Variants in SULF1 observed in about 807,000 individuals in gnomAD.
SULF1 encodes sulfatase 1.
In SULF1, 46 loss-of-function variants were observed where a neutral mutation model predicts 110.5. That is an observed-to-expected ratio of 0.42 (90% confidence interval 0.33 to 0.53). The LOEUF (loss-of-function observed/expected upper bound fraction) is 0.53, where lower values mean the gene tolerates loss of function less well. Ranked by LOEUF, SULF1 falls within the 20% of genes least tolerant of loss-of-function variation. SULF1 has a pLI of 0.12. For synonymous variants in SULF1, 371 were observed against 387.1 expected, an observed-to-expected ratio of 0.96 and a Z score of 0.49; for missense variants, 941 against 1,094.2, an observed-to-expected ratio of 0.86 and a Z score of 1.98.
At chr8:69,554,628 T>G (rs1377978370) in intron 3 of SULF1, among the ~76,000 whole-genome samples, 2 of 151,728 alleles carry the variant, frequency 1.3e-5, no homozygotes, top group East Asian at 3.9e-4. Context: ...TTTAGAAATC[T>G]CCTGTTGTAT....
At chr8:69,574,667 C>T (rs770590851) in intron 5 of SULF1, among the ~76,000 whole-genome samples, 6 of 152,130 alleles carry the variant, frequency 3.9e-5, no homozygotes, top group African/African-American at 9.7e-5. Context: ...GAGATCAGCC[C>T]GGAATGCTGA....
At chr8:69,613,308 T>G (rs1471700121) in intron 13 of SULF1, among the ~76,000 whole-genome samples, 3 of 151,572 alleles carry the variant, frequency 2.0e-5, no homozygotes, top group Non-Finnish European at 4.4e-5. Flanking sequence ...TTTGGTTTTT[T>G]TTTTTTTTTT....
chr8:69,601,743 A>G lies in SULF1; in HGVS notation c.975A>G (p.Gly325=). The change falls in exon 10 of 23, where the codon GGA becomes GGG. Residue 325 remains glycine (G), a synonymous_variant. Coordinates refer to ENST00000402687, the MANE Select transcript of SULF1 (RefSeq NM_001128205.2). The part of the protein sequence containing the change: ...ADHGYHIGQF[G]LVKGKSMPYD... ...ATGGTTACCATATTGGGCAGTTTGG[A>G]CTGGTCAAGGGGAAATCCATGCCAT... 6.2e-7 allele frequency: 1 copy of G among 1,613,890 alleles called. No individual in the cohort carries two copies. Among genetic ancestry groups the G allele is most frequent in the Non-Finnish European group, 8.5e-7 (1 of 1,179,916 alleles).
chr8:69,645,234 G>A (rs961668602), intron 22 of SULF1, among the ~76,000 whole-genome samples: 1 of 152,148 alleles, frequency 6.6e-6, no homozygotes, highest in Non-Finnish European at 1.5e-5. Flanking sequence ...GGTCAGACTT[G>A]GGTTAGTCTA....
rs183827015 is a variant in SULF1, at chr8:69,504,087, T to C, written c.-134+2119T>C. 2.6e-5 allele frequency among the ~76,000 whole-genome samples: 4 copies of C among 152,122 alleles called. No individual in the cohort carries two copies. The East Asian group carries it at 7.8e-4, about 30-fold the overall frequency. ...TGCTGGGATTACAGGCGTGAGCCACTGCGCCCATGAAAAGGCCACTTTTCT... is the reference window on the plus strand; with the variant it reads ...TGCTGGGATTACAGGCGTGAGCCACCGCGCCCATGAAAAGGCCACTTTTCT... On this transcript the variant is annotated intron_variant, in intron 3 of 22. Transcript: ENST00000402687.
intron 3 of SULF1, among the ~76,000 whole-genome samples, chr8:69,517,173 T>C (rs934868882): frequency 2.0e-5 from 3 of 152,168 alleles, no homozygotes; most frequent in African/African-American, 7.2e-5. Context: ...GGCAAGCAAG[T>C]GTGCAAGACA....
chr8:69,608,407 C>T (rs560719751), intron 13 of SULF1, among the ~76,000 whole-genome samples: 1 of 152,316 alleles, frequency 6.6e-6, no homozygotes, highest in South Asian at 2.1e-4. Flanking sequence ...AGGCCGGGCA[C>T]GGTGGCTGAT....
intron 1 of SULF1, among the ~76,000 whole-genome samples, chr8:69,483,482 C>A (rs1302779774): frequency 3.3e-5 from 5 of 152,032 alleles, no homozygotes; most frequent in African/African-American, 1.2e-4. Context: ...TAGAAGGATG[C>A]CAAGAGAGAA....
At position 69,659,465 on chromosome 8, in the gene SULF1, C is replaced by T. The variant is rs901665067; in HGVS notation, c.*930C>T. 27 of 321,520 alleles carry T rather than the reference C, an allele frequency of 8.4e-5. No individual in the cohort carries two copies. Among genetic ancestry groups the T allele is most frequent in the African/African-American group, 4.5e-4 (21 of 46,210 alleles). 19.9% of individuals were successfully genotyped at this position (321,520 alleles called of 1,614,324 possible). ...AGAAGCTAGTGAGCATGTGAGCAAG[C>T]GGTGTGCACACGGAGACTCATCGTT... is the stretch of plus-strand genomic sequence containing the variant. On this transcript the variant is annotated 3_prime_UTR_variant, in exon 23 of 23. Coordinates refer to ENST00000402687, the MANE Select transcript of SULF1 (RefSeq NM_001128205.2).
At chr8:69,502,127 T>C (rs572548420) in intron 3 of SULF1, among the ~76,000 whole-genome samples, 159 bp downstream of exon 3, 1 of 152,300 alleles carries the variant, frequency 6.6e-6, no homozygotes, top group South Asian at 2.1e-4. Context: ...CTCATTCTTG[T>C]TGACTGAGAG....
intron 5 of SULF1, among the ~76,000 whole-genome samples, chr8:69,566,054 T>G (rs765629316): frequency 6.6e-6 from 1 of 152,030 alleles, no homozygotes; most frequent in Non-Finnish European, 1.5e-5. Context: ...AACTTTCCTT[T>G]GCACCCCGAG....
At chr8:69,602,229 A>C (rs1807884143) in intron 10 of SULF1, among the ~76,000 whole-genome samples, 2 of 152,190 alleles carry the variant, frequency 1.3e-5, no homozygotes, top group Non-Finnish European at 2.9e-5. Flanking sequence ...AATGTTTTTA[A>C]AAGATAAATT....
At chr8:69,601,958 T>G in intron 10 of SULF1, 129 bp downstream of exon 10, 1 of 944,070 alleles carries the variant, frequency 1.1e-6, no homozygotes, top group Non-Finnish European at 1.5e-6. Context: ...GGCTGGTTAA[T>G]TTCGAAGATG....
At chr8:69,631,180 C>T (rs945287176) in intron 19 of SULF1, among the ~76,000 whole-genome samples, 1 of 152,164 alleles carries the variant, frequency 6.6e-6, no homozygotes, top group Admixed American at 6.5e-5. Context: ...GGGAGTCTCA[C>T]CTTTGGTTTA....
At chr8:69,501,600 T>G (rs1810802054) in intron 2 of SULF1, among the ~76,000 whole-genome samples, 1 of 152,314 alleles carries the variant, frequency 6.6e-6, no homozygotes, top group South Asian at 2.1e-4. Flanking sequence ...TTCTATGAAA[T>G]CCAGTCAAAG....
chr8:69,595,336 A>G (rs942136393), intron 8 of SULF1, among the ~76,000 whole-genome samples: 4 of 152,362 alleles, frequency 2.6e-5, no homozygotes, highest in Admixed American at 6.5e-5. Context: ...GATTAGAGCT[A>G]TGAACAATTC....
chr8:69,555,245 A>G (rs956945768), intron 3 of SULF1, among the ~76,000 whole-genome samples: 7 of 152,154 alleles, frequency 4.6e-5, no homozygotes, highest in Non-Finnish European at 1.0e-4. Flanking sequence ...CTGGTCCTCT[A>G]TCTGCCTCTG....
In SULF1 at chr8:69,592,050, G is replaced by A. The variant is rs181598985; in HGVS notation, c.734+2909G>A. Reference sequence around the variant, plus strand: ...AGACGTTCGCAGGGCTGTGGAGCGGGGAGGGAGAAGCCTTCATATCTTTGA... The same window carrying A: ...AGACGTTCGCAGGGCTGTGGAGCGGAGAGGGAGAAGCCTTCATATCTTTGA... On this transcript the variant is annotated intron_variant, in intron 8 of 22. Coordinates refer to ENST00000402687, the MANE Select transcript of SULF1 (RefSeq NM_001128205.2). Among the ~76,000 whole-genome samples the A allele has an allele frequency of 2.4e-4, 36 of 152,320 alleles. No individual in the cohort carries two copies. The East Asian group carries it at 6.2e-3, about 26-fold the overall frequency.
chr8:69,543,645 C>G (rs1814017892), intron 3 of SULF1, among the ~76,000 whole-genome samples: 1 of 152,126 alleles, frequency 6.6e-6, no homozygotes, highest in South Asian at 2.1e-4. Flanking sequence ...TGGGTTGATT[C>G]CATGTCTTTA....
Sources: gnomAD v4.1 joint callset for allele counts (sites outside exome capture counted in the v4.1 genomes callset) on GRCh38, gnomAD v4.1.1 for gene constraint, MANE v1.5 for transcripts, NCBI Gene and HGNC (gene_info 2026-07-23, HGNC 2026-07-21) for gene names.